Variants in TENT4B observed in about 807,000 individuals in gnomAD.
The protein encoded by TENT4B is terminal nucleotidyltransferase 4B.
Under a neutral mutation model 75.0 loss-of-function variants are expected in TENT4B, and 10 were observed. The ratio of observed to expected loss-of-function variants is 0.13; its 90% CI spans 0.08 to 0.23. TENT4B has a LOEUF of 0.23. TENT4B is among the 10% of genes least tolerant of loss of function. The pLI is 1.00. For synonymous variants in TENT4B, 350 were observed against 357.7 expected (o/e 0.98, Z 0.24); for missense variants, 579 against 893.8 (o/e 0.65, Z 4.49).
chr16:50,164,637 T>C (rs2038065227), intron 1 of TENT4B, among the ~76,000 whole-genome samples: 1 of 152,106 alleles, frequency 6.6e-6, no homozygotes, highest in African/African-American at 2.4e-5. Context: ...AAATTTATTC[T>C]CTTACAGTCG....
intron 1 of TENT4B, among the ~76,000 whole-genome samples, chr16:50,203,725 A>G (rs1031347170): frequency 3.3e-5 from 5 of 152,122 alleles, no homozygotes; most frequent in Admixed American, 2.0e-4. Flanking sequence ...AAGGAACATC[A>G]TGTCCCTTTT....
intron 1 of TENT4B, among the ~76,000 whole-genome samples, chr16:50,155,272 G>GGGGTGTGTGTGTGTGTGTGT (rs377547594): frequency 6.6e-5 from 9 of 135,372 alleles, no homozygotes; most frequent in African/African-American, 2.5e-4. Flanking sequence ...GGGTCTCGTG[G>GGGGTGTGTGTGTGTGTGTGT]GTGTGTGTGT....
intron 1 of TENT4B, among the ~76,000 whole-genome samples, chr16:50,181,485 T>TA (rs1488846800): frequency 1.4e-5 from 2 of 145,186 alleles, no homozygotes; most frequent in Admixed American, 6.8e-5. Context: ...TTTTTTTTTT[T>TA]ATAGAGACAG....
intron 1 of TENT4B, among the ~76,000 whole-genome samples, chr16:50,196,105 G>A (rs1005864962): frequency 1.3e-5 from 2 of 152,158 alleles, no homozygotes; most frequent in Non-Finnish European, 2.9e-5. Flanking sequence ...GGTGGTAAAT[G>A]CAACATATGT....
chr16:50,224,017 T>C (rs925037454), intron 7 of TENT4B, among the ~76,000 whole-genome samples: 5 of 152,226 alleles, frequency 3.3e-5, no homozygotes, highest in Non-Finnish European at 7.3e-5. Context: ...TTCTGCGTTA[T>C]TGGACTTCAG....
chr16:50,170,686 A>C (rs1327377027), intron 1 of TENT4B, among the ~76,000 whole-genome samples: 1 of 150,816 alleles, frequency 6.6e-6, no homozygotes, highest in East Asian at 1.9e-4. Flanking sequence ...TTTTTCTTTG[A>C]GATGGAGTCT....
intron 1 of TENT4B, among the ~76,000 whole-genome samples, chr16:50,156,716 G>A (rs2037908415): frequency 1.3e-5 from 2 of 152,070 alleles, no homozygotes; most frequent in South Asian, 2.1e-4. Flanking sequence ...GTGGAGTGAC[G>A]TGATCATAGC....
intron 1 of TENT4B, among the ~76,000 whole-genome samples, chr16:50,172,675 G>A (rs1040279776): frequency 3.9e-5 from 6 of 152,092 alleles, no homozygotes; most frequent in South Asian, 4.2e-4. Flanking sequence ...ACTAAGGTCC[G>A]TAATTTACTT....
Position 50,211,309 on chromosome 16 carries a change from GT to G in TENT4B, c.639-7del, listed in dbSNP as rs748895673. Reference sequence around the variant, plus strand: ...TGGCCCTGTTCATATTAACTTTTCTGTTTTTTTCTTCAGTCTGCATGAAGAA... The same window carrying G: ...TGGCCCTGTTCATATTAACTTTTCTGTTTTTTCTTCAGTCTGCATGAAGAA... On this transcript the variant is annotated splice_polypyrimidine_tract_variant and intron_variant, in intron 1 of 11. Transcript: ENST00000561678. 26 of 1,600,878 alleles carry G rather than the reference GT, an allele frequency of 1.6e-5. No homozygotes were observed. The highest frequency in any genetic ancestry group is 2.7e-5 in the African/African-American group (2 of 74,210).
intron 1 of TENT4B, among the ~76,000 whole-genome samples, chr16:50,162,324 A>AT (rs1298296169): frequency 1.1e-4 from 16 of 152,348 alleles, no homozygotes; most frequent in African/African-American, 3.6e-4. Flanking sequence ...GGGGGAATAA[A>AT]TGCCCAAATG....
chr16:50,204,177 G>T lies in TENT4B; in HGVS notation c.639-7146G>T, dbSNP rs114605138. ...GGACTTCAGTAATCATGCAGCAATGGCCTGGAAAAGGGAGAGGCTCATAGT... is the reference window on the plus strand; with the variant it reads ...GGACTTCAGTAATCATGCAGCAATGTCCTGGAAAAGGGAGAGGCTCATAGT... On this transcript the variant is annotated intron_variant, in intron 1 of 11. Transcript: ENST00000561678. Among the ~76,000 whole-genome samples the T allele has an allele frequency of 5.9e-3, 905 of 152,256 alleles. 11 individuals carry two copies. Among genetic ancestry groups the T allele is most frequent in the African/African-American group, 0.02 (833 of 41,560 alleles).
chr16:50,231,906 TC>T lies in TENT4B; in HGVS notation c.*2580del. The T allele has an allele frequency of 1.0e-6, 1 of 979,462 alleles. No individual in the cohort carries two copies. The allele number at this position is 979,462 out of a possible 1,614,324, so 60.7% of individuals were successfully genotyped here. Reference sequence around the variant, plus strand: ...TATTTCTTTTTTGAGTTTTAATACTTCCTATATTTTGTGAATATATCAGAAA... The same window carrying T: ...TATTTCTTTTTTGAGTTTTAATACTTCTATATTTTGTGAATATATCAGAAA... On this transcript the variant is annotated 3_prime_UTR_variant, in exon 12 of 12. Transcript: ENST00000561678.
intron 1 of TENT4B, among the ~76,000 whole-genome samples, chr16:50,180,663 C>G (rs941668313): frequency 2.7e-5 from 4 of 149,980 alleles, no homozygotes; most frequent in African/African-American, 4.9e-5. Context: ...GAGGCAAGAT[C>G]GTGCCCCTGC....
Position 50,230,366 on chromosome 16 carries a change from C to A in TENT4B, c.*1038C>A. 1 of 984,684 alleles carries A rather than the reference C, an allele frequency of 1.0e-6. No homozygotes were observed. Among genetic ancestry groups the A allele is most frequent in the Non-Finnish European group, 1.2e-6 (1 of 829,802 alleles). The allele number at this position is 984,684 out of a possible 1,614,324, so 61.0% of individuals were successfully genotyped here. A position where few individuals can be genotyped will look rare whatever the true frequency, so the allele number is the denominator to read the frequency against. On this transcript the variant is annotated 3_prime_UTR_variant, in exon 12 of 12. Transcript: ENST00000561678. ...CCTGTTGCAGTGAAACTTCGAGTTC[C>A]ACAGACTTTGCATGCTGGCTTCTCT... is the stretch of plus-strand genomic sequence containing the variant.
At chr16:50,221,005 G>A (rs997629802) in intron 5 of TENT4B, among the ~76,000 whole-genome samples, 3 of 151,844 alleles carry the variant, frequency 2.0e-5, no homozygotes, top group Non-Finnish European at 2.9e-5. Context: ...GGAAATCACC[G>A]GCCAGGTGCT....
Position 50,178,454 on chromosome 16 carries a change from G to GA in TENT4B, c.638+24204dup, listed in dbSNP as rs531771451. On this transcript the variant is annotated intron_variant, in intron 1 of 11. Transcript: ENST00000561678. ...GTGAAATTTTGTTCTCTCTTGAAAAGAAAAAAAAAGTTGATGACATAAAGT... is the reference window on the plus strand; with the variant it reads ...GTGAAATTTTGTTCTCTCTTGAAAAGAAAAAAAAAAGTTGATGACATAAAGT... Among the ~76,000 whole-genome samples the GA allele has an allele frequency of 2.1e-4, 32 of 149,760 alleles. No individual in the cohort carries two copies. The South Asian group carries it at 6.3e-3, about 30-fold the overall frequency.
chr16:50,178,067 G>T (rs1329639717), intron 1 of TENT4B, among the ~76,000 whole-genome samples: 1 of 150,712 alleles, frequency 6.6e-6, no homozygotes, highest in Non-Finnish European at 1.5e-5. Flanking sequence ...ATTACATGTG[G>T]TCTGAGAGCA....
rs1482741700 is a variant in TENT4B, at chr16:50,231,879, C to G, written c.*2551C>G. ...TACATTTCATCTATTTGACTCCTATCTTATTTCTTTTTTGAGTTTTAATAC... is the reference window on the plus strand; with the variant it reads ...TACATTTCATCTATTTGACTCCTATGTTATTTCTTTTTTGAGTTTTAATAC... On this transcript the variant is annotated 3_prime_UTR_variant, in exon 12 of 12. Coordinates refer to ENST00000561678, the MANE Select transcript of TENT4B (RefSeq NM_001365324.3). The G allele has an allele frequency of 1.0e-6, 1 of 982,234 alleles. No homozygotes were observed. Among genetic ancestry groups the G allele is most frequent in the East Asian group, 1.1e-4 (1 of 8,810 alleles). The allele number at this position is 982,234 out of a possible 1,614,324, so 60.8% of individuals were successfully genotyped here. A position where few individuals can be genotyped will look rare whatever the true frequency, so the allele number is the denominator to read the frequency against.
intron 1 of TENT4B, among the ~76,000 whole-genome samples, chr16:50,191,874 G>A (rs1223061374): frequency 2.0e-5 from 3 of 151,992 alleles, no homozygotes; most frequent in Admixed American, 2.0e-4. Context: ...AGTCGAGATC[G>A]CACCATTGCC....
Sources: allele counts gnomAD v4.1 joint callset (sites outside exome capture counted in the v4.1 genomes callset), GRCh38; gene constraint gnomAD v4.1.1; transcripts MANE v1.5; gene names NCBI Gene and HGNC (gene_info 2026-07-23, HGNC 2026-07-21).